HEPH: variants seen among roughly 807,000 people sequenced by gnomAD.
HEPH encodes the protein hephaestin.
A neutral mutation model predicts 80.8 loss-of-function variants in HEPH; 69 were observed. The observed-to-expected ratio is 0.85, with a 90% CI of 0.70 to 1.04. The LOEUF is 1.04. Ranked by LOEUF, HEPH falls within the 50% of genes least tolerant of loss-of-function variation. HEPH has a pLI of 0.00. For missense variants in HEPH, 1,115 were observed against 891.3 expected, an observed-to-expected ratio of 1.25 and a Z score of -3.20; for synonymous variants, 431 against 322.8, an observed-to-expected ratio of 1.34 and a Z score of -3.60.
chrX:66,235,666 T>G (rs1225048056), intron 15 of HEPH, among the ~76,000 whole-genome samples: 3 of 111,729 alleles, frequency 2.7e-5, no homozygotes, highest in Non-Finnish European at 5.7e-5. Context: ...CTTTTTGCTT[T>G]GGTGAACTAT....
chrX:66,193,522 A>G lies in HEPH; in HGVS notation c.1253A>G (p.Gln418Arg). 8.4e-7 allele frequency: 1 copy of G among 1,184,412 alleles called. No individual in the cohort carries two copies. The highest frequency in any genetic ancestry group is 1.1e-6 in the Non-Finnish European group (1 of 878,975). Residue 418 changes from glutamine to arginine, a missense_variant, in exon 8 of 21, where the codon CAG (glutamine) becomes CGG (arginine). Gln to Arg is a conservative substitution (Grantham distance 43). Transcript: ENST00000343002. ...ATCAGTATCTCAGATAAGTTTTTCC[A>G]GAAGAGCTCCAGCCGAATTGGGGGC... is the stretch of plus-strand genomic sequence containing the variant. The part of the protein sequence containing the change: ...EPGSISDKFF[Q>R]KSSSRIGGTY...
chrX:66,256,072 C>A (rs1462493362), intron 16 of HEPH, 33 bp from the exon 17 acceptor site: 1 of 1,119,981 alleles, frequency 8.9e-7, no homozygotes, highest in South Asian at 1.9e-5. Flanking sequence ...AACTCCATCT[C>A]TTTCTCTCTC....
intron 5 of HEPH, among the ~76,000 whole-genome samples, chrX:66,189,069 G>A (rs2087651564): frequency 8.9e-6 from 1 of 112,186 alleles, no homozygotes; most frequent in Non-Finnish European, 1.9e-5. Context: ...AAGAACCGAG[G>A]CATGAATATT....
rs1407766707 is a variant in HEPH, at chrX:66,171,495, AT to A, written c.167+759del. ...GTGCTCCACAAATATCTGTTAAAGA[AT>A]AAATGAATGTACGAAAAACTATTTT... On this transcript the variant is annotated intron_variant, in intron 2 of 20. Transcript: ENST00000343002. Among the ~76,000 whole-genome samples the A allele has an allele frequency of 3.6e-5, 4 of 112,516 alleles. No homozygotes were observed. The East Asian group carries it at 8.4e-4, about 24-fold the overall frequency.
At chrX:66,241,282 G>T (rs1191929482) in intron 15 of HEPH, among the ~76,000 whole-genome samples, 1 of 111,417 alleles carries the variant, frequency 9.0e-6, no homozygotes, top group Non-Finnish European at 1.9e-5. Flanking sequence ...ATGAAAATGG[G>T]CTAAACACCT....
chrX:66,203,480 G>T lies in HEPH; in HGVS notation c.2194G>T (p.Ala732Ser). The change falls in exon 13 of 21, where the codon GCA becomes TCA. Residue 732 changes from alanine (A) to serine (S), a missense_variant. By Grantham distance (99) the Ala-to-Ser change is moderately conservative (BLOSUM62 1). Coordinates refer to ENST00000343002, the MANE Select transcript of HEPH (RefSeq NM_001367233.3). Reference sequence around the variant, plus strand: ...CACCCCTCGCCAACGCTACCAAGCTGCAAGAATCTACTATATCATGGCAGA... The same window carrying T: ...CACCCCTCGCCAACGCTACCAAGCTTCAAGAATCTACTATATCATGGCAGA... ...QATPRQRYQA[A>S]RIYYIMAEEV... The T allele has an allele frequency of 1.7e-6, 2 of 1,211,584 alleles. No homozygotes were observed. The highest frequency in any genetic ancestry group is 2.2e-6 in the Non-Finnish European group (2 of 895,369).
intron 2 of HEPH, 45 bp downstream of exon 2, chrX:66,170,782 A>ACTCTTGAGGTCAGGAAGTAGC (rs2086563698): frequency 9.0e-7 from 1 of 1,109,555 alleles, no homozygotes; most frequent in African/African-American, 1.8e-5. Context: ...TTATGGGAGC[A>ACTCTTGAGGTCAGGAAGTAGC]CTCTTGAGGT....
chrX:66,245,932 G>A (rs751130237), intron 15 of HEPH, among the ~76,000 whole-genome samples: 17 of 112,325 alleles, frequency 1.5e-4, no homozygotes, highest in Non-Finnish European at 2.8e-4. Flanking sequence ...CTGTGCCTAT[G>A]TTTCTTTTGT....
At chrX:66,169,095 C>T (rs1418844639) in intron 1 of HEPH, among the ~76,000 whole-genome samples, 1 of 110,976 alleles carries the variant, frequency 9.0e-6, no homozygotes, top group African/African-American at 3.3e-5. Context: ...CCAACTCTAC[C>T]GATTTTTATC....
chrX:66,184,649 T>C (rs1388372595), intron 4 of HEPH, among the ~76,000 whole-genome samples: 1 of 6,903 alleles, frequency 1.4e-4, no homozygotes, highest in Non-Finnish European at 2.1e-4. Context: ...GTCTTGACTC[T>C]TTATCCAACT....
At chrX:66,187,820 G>C (rs1286514233) in intron 4 of HEPH, among the ~76,000 whole-genome samples, 3 of 111,789 alleles carry the variant, frequency 2.7e-5, no homozygotes, top group African/African-American at 9.8e-5. Flanking sequence ...TGTCCACCAT[G>C]ATGATCCTAC....
intron 15 of HEPH, among the ~76,000 whole-genome samples, chrX:66,246,673 C>T (rs1022744594): frequency 3.6e-5 from 4 of 111,354 alleles, no homozygotes; most frequent in African/African-American, 9.8e-5. Context: ...CCAGAAGATT[C>T]TCACTTACTC....
Position 66,260,259 on chromosome X carries a change from A to T in HEPH, c.3196A>T (p.Thr1066Ser), listed in dbSNP as rs762294066. 1.7e-6 allele frequency: 2 copies of T among 1,202,822 alleles called. No individual in the cohort carries two copies. Among genetic ancestry groups the T allele is most frequent in the South Asian group, 1.8e-5 (1 of 56,556 alleles). Reference protein sequence around the residue: ...METLFTVFSRTEHLSPLTVIT... With the variant: ...METLFTVFSRSEHLSPLTVIT... The stretch of plus-strand genomic sequence containing the variant: ...GACCCTCTTCACTGTTTTTTCTCGA[A>T]CAGGTAAGTCCTAACTTCCCCAAAA... The change falls in exon 19 of 21, where the codon ACA (threonine) becomes TCA (serine). Residue 1066 changes from threonine (T) to serine (S), a missense_variant. By Grantham distance (58) the Thr-to-Ser change is moderately conservative. Around this residue, in one of 3 missense-constraint regions of HEPH, gnomAD observed 716 missense variants for 523.5 expected, o/e 1.37. Transcript: ENST00000343002.
rs2091566151 is a variant in HEPH, at chrX:66,267,243, G to T, written c.*571G>T. Reference sequence around the variant, plus strand: ...GGTCAATGGGTTGTTGCTGCCATGAGCATGTACAACCTCTGGAGCTAGAAG... The same window carrying T: ...GGTCAATGGGTTGTTGCTGCCATGATCATGTACAACCTCTGGAGCTAGAAG... On this transcript the variant is annotated 3_prime_UTR_variant, in exon 21 of 21. Coordinates refer to ENST00000343002, the MANE Select transcript of HEPH (RefSeq NM_001367233.3). 1 of 113,480 alleles carries T rather than the reference G, an allele frequency of 8.8e-6. No homozygotes were observed. The highest frequency in any genetic ancestry group is 9.2e-5 in the Admixed American group (1 of 10,900). 9.4% of individuals were successfully genotyped at this position (113,480 alleles called of 1,213,427 possible). A position where few individuals can be genotyped will look rare whatever the true frequency, so the allele number is the denominator to read the frequency against.
intron 15 of HEPH, among the ~76,000 whole-genome samples, chrX:66,245,687 GCACCA>G (rs1212628721): frequency 9.0e-6 from 1 of 111,520 alleles, no homozygotes; most frequent in African/African-American, 3.3e-5. Flanking sequence ...ATTCTTTTCA[GCACCA>G]CACCACACCT....
At chrX:66,172,794 C>A (rs7054364) in intron 3 of HEPH, among the ~76,000 whole-genome samples, 195 bp downstream of exon 3, 40,286 of 110,976 alleles carry the variant, frequency 0.36, 7,836 homozygotes, top group African/African-American at 0.76. Flanking sequence ...GTGACTTGGA[C>A]GAGTCATTGT....
intron 12 of HEPH, 98 bp downstream of exon 12, chrX:66,200,850 A>C (rs374202444): frequency 9.5e-6 from 6 of 632,108 alleles, no homozygotes; most frequent in East Asian, 7.0e-5. Context: ...AATAATAGGC[A>C]TGTTAAGGGT....
chrX:66,243,736 A>T (rs1422467195), intron 15 of HEPH, among the ~76,000 whole-genome samples: 2 of 112,555 alleles, frequency 1.8e-5, no homozygotes, highest in East Asian at 5.6e-4. Context: ...TGCAGACTTG[A>T]TTGTGTGCTT....
At chrX:66,213,611 G>A (rs1362647277) in intron 15 of HEPH, among the ~76,000 whole-genome samples, 2 of 110,372 alleles carry the variant, frequency 1.8e-5, no homozygotes, top group African/African-American at 6.6e-5. Context: ...TTTTTGTATT[G>A]CAATGAAATT....
Sources: allele counts gnomAD v4.1 joint callset (sites outside exome capture counted in the v4.1 genomes callset), GRCh38; gene constraint gnomAD v4.1.1; regional missense constraint gnomAD v4.1.1; transcripts MANE v1.5; gene names NCBI Gene and HGNC (gene_info 2026-07-23, HGNC 2026-07-21).